Variants in GALNT17 observed in about 807,000 individuals in gnomAD.
GALNT17 encodes the protein polypeptide N-acetylgalactosaminyltransferase 17.
In GALNT17, 29 loss-of-function variants were observed where a neutral mutation model predicts 63.7. The ratio of observed to expected loss-of-function variants is 0.46; its 90% CI spans 0.34 to 0.62. The LOEUF is 0.62. GALNT17 is among the 20% of genes least tolerant of loss of function. The probability of loss-of-function intolerance (pLI) is 0.01; values close to 1 mark genes in which losing one functional copy is unlikely to be tolerated. For missense variants in GALNT17, 603 were observed against 799.6 expected (o/e 0.75, Z 2.97); for synonymous variants, 305 against 318.3 (o/e 0.96, Z 0.45).
At chr7:71,446,172 GT>G (rs1166450085) in intron 5 of GALNT17, among the ~76,000 whole-genome samples, 2 of 152,222 alleles carry the variant, frequency 1.3e-5, no homozygotes, top group African/African-American at 4.8e-5. Flanking sequence ...CAATCCAGAT[GT>G]TGTCTTCCAG....
intron 1 of GALNT17, among the ~76,000 whole-genome samples, chr7:71,179,893 G>T (rs1268459075): frequency 6.6e-6 from 1 of 152,148 alleles, no homozygotes; most frequent in Non-Finnish European, 1.5e-5. Flanking sequence ...GTTCATTAAA[G>T]AAAATATTTT....
At chr7:71,546,063 C>G (rs1200315803) in intron 5 of GALNT17, among the ~76,000 whole-genome samples, 2 of 151,948 alleles carry the variant, frequency 1.3e-5, no homozygotes, top group Non-Finnish European at 2.9e-5. Context: ...AGTTTAAGAC[C>G]AGCGTGGGTA....
chr7:71,134,070 C>T (rs1787737369), intron 1 of GALNT17, among the ~76,000 whole-genome samples: 1 of 152,186 alleles, frequency 6.6e-6, no homozygotes, highest in Non-Finnish European at 1.5e-5. Flanking sequence ...CACATCTGTC[C>T]AGCGAGGCTC....
intron 5 of GALNT17, among the ~76,000 whole-genome samples, chr7:71,448,000 G>A (rs1270177099): frequency 6.6e-6 from 1 of 151,978 alleles, no homozygotes; most frequent in Non-Finnish European, 1.5e-5. Context: ...ATCTTTTTTA[G>A]CTTATTCTCT....
At chr7:71,659,696 G>A (rs932701628) in intron 6 of GALNT17, among the ~76,000 whole-genome samples, 30 of 152,350 alleles carry the variant, frequency 2.0e-4, no homozygotes, top group African/African-American at 7.0e-4. Context: ...AATAGGTTCA[G>A]CCTTTTTATA....
intron 9 of GALNT17, among the ~76,000 whole-genome samples, chr7:71,693,701 G>A (rs1447015045): frequency 6.6e-6 from 1 of 151,540 alleles, no homozygotes; most frequent in Non-Finnish European, 1.5e-5. Flanking sequence ...ATATTAAATA[G>A]CTAATGGGTA....
chr7:71,302,650 T>A lies in GALNT17; in HGVS notation c.239-32900T>A, dbSNP rs1361303377. Among the ~76,000 whole-genome samples the A allele has an allele frequency of 2.6e-5, 4 of 152,132 alleles. No homozygotes were observed. The South Asian group carries it at 6.2e-4, about 24-fold the overall frequency. The stretch of plus-strand genomic sequence containing the variant: ...AATGGGGAGACAAAGCTAGGCTGAA[T>A]TGATGAAAGCTGGAAAGACTACTTT... On this transcript the variant is annotated intron_variant, in intron 1 of 10. Transcript: ENST00000333538.
chr7:71,521,518 C>T (rs756860616), intron 5 of GALNT17, among the ~76,000 whole-genome samples: 2 of 152,216 alleles, frequency 1.3e-5, no homozygotes, highest in Admixed American at 6.5e-5. Context: ...GGCTTGGAGC[C>T]TCCTTGTGCT....
intron 6 of GALNT17, among the ~76,000 whole-genome samples, chr7:71,614,774 C>CAAAG (rs151314050): frequency 0.14 from 20,298 of 149,068 alleles, 1,371 homozygotes; most frequent in Non-Finnish European, 0.15. Flanking sequence ...GAGAAAGAAA[C>CAAAG]AGAGAAAGAG....
At chr7:71,493,932 T>A (rs1021332221) in intron 5 of GALNT17, among the ~76,000 whole-genome samples, 5 of 152,316 alleles carry the variant, frequency 3.3e-5, no homozygotes, top group Admixed American at 2.6e-4. Flanking sequence ...TCAGGTTACT[T>A]ACTTGCAGAG....
At position 71,712,691 on chromosome 7, in the gene GALNT17, C is replaced by T. The variant is rs550075537; in HGVS notation, c.*545C>T. 3.9e-5 allele frequency: 6 copies of T among 153,998 alleles called. No individual in the cohort carries two copies. The highest frequency in any genetic ancestry group is 1.4e-4 in the African/African-American group (6 of 41,610). The allele number at this position is 153,998 out of a possible 1,614,324, so 9.5% of individuals were successfully genotyped here. ...TCACGCCCCAAGGCAGCTACTGCCCCTAACCCTTCCCACCAGGGTAGCTTT... is the reference window on the plus strand; with the variant it reads ...TCACGCCCCAAGGCAGCTACTGCCCTTAACCCTTCCCACCAGGGTAGCTTT... On this transcript the variant is annotated 3_prime_UTR_variant, in exon 11 of 11. Transcript: ENST00000333538.
intron 1 of GALNT17, among the ~76,000 whole-genome samples, chr7:71,299,387 A>G (rs73356066): frequency 0.018 from 2,763 of 152,240 alleles, 71 homozygotes; most frequent in African/African-American, 0.062. Flanking sequence ...ATGCTACCTC[A>G]TGAATTCCTA....
intron 3 of GALNT17, among the ~76,000 whole-genome samples, chr7:71,410,327 C>T (rs1031133051): frequency 2.0e-5 from 3 of 151,796 alleles, no homozygotes; most frequent in Admixed American, 2.0e-4. Context: ...CTCACTGCAA[C>T]CTCCACCTCC....
chr7:71,670,714 A>T (rs1049053082), intron 8 of GALNT17, among the ~76,000 whole-genome samples: 1 of 152,176 alleles, frequency 6.6e-6, no homozygotes, highest in Non-Finnish European at 1.5e-5. Context: ...CCTTCACCTT[A>T]TGAGAGATTA....
At chr7:71,224,023 T>G (rs1306958402) in intron 1 of GALNT17, among the ~76,000 whole-genome samples, 1 of 152,172 alleles carries the variant, frequency 6.6e-6, no homozygotes, top group African/African-American at 2.4e-5. Flanking sequence ...TTGATGAGGT[T>G]TCAGAAAGAA....
chr7:71,456,780 C>T (rs191545777), intron 5 of GALNT17, among the ~76,000 whole-genome samples: 157 of 152,196 alleles, frequency 1.0e-3, no homozygotes, highest in Admixed American at 4.6e-3. Context: ...TGCGAAGGTT[C>T]AGGACACACC....
At position 71,693,299 on chromosome 7, in the gene GALNT17, C is replaced by CATATAT. The variant is rs1327263888; in HGVS notation, c.1500+15994_1500+15995insTATATA. Among the ~76,000 whole-genome samples the CATATAT allele has an allele frequency of 2.1e-3, 239 of 116,238 alleles. 8 individuals carry two copies. The highest frequency in any genetic ancestry group is 7.2e-3 in the African/African-American group (211 of 29,176). 76.3% of individuals were successfully genotyped at this position (116,238 alleles called of 152,430 possible). ...ACACACACACACACACACACACACA[C>CATATAT]ACACACACACATATATATATATGGA... is the stretch of plus-strand genomic sequence containing the variant. On this transcript the variant is annotated intron_variant, in intron 9 of 10. Transcript: ENST00000333538.
At chr7:71,562,348 A>G (rs1048355579) in intron 5 of GALNT17, among the ~76,000 whole-genome samples, 1 of 152,178 alleles carries the variant, frequency 6.6e-6, no homozygotes, top group Non-Finnish European at 1.5e-5. Flanking sequence ...TCATTGATGT[A>G]CAACACAGGG....
At chr7:71,479,778 A>G (rs533237472) in intron 5 of GALNT17, among the ~76,000 whole-genome samples, 1 of 152,256 alleles carries the variant, frequency 6.6e-6, no homozygotes, top group Non-Finnish European at 1.5e-5. Flanking sequence ...GTCTGAGTCA[A>G]AGATGGAGCT....
Sources: gnomAD v4.1 joint callset for allele counts (sites outside exome capture counted in the v4.1 genomes callset) on GRCh38, gnomAD v4.1.1 for gene constraint, MANE v1.5 for transcripts, NCBI Gene and HGNC (gene_info 2026-07-23, HGNC 2026-07-21) for gene names.